The following ATP6V0D2 variants were observed in gnomAD, a reference collection of about 807,000 sequenced individuals.
ATP6V0D2 encodes the protein ATPase H+ transporting V0 subunit d2.
In ATP6V0D2, 40 loss-of-function variants were observed where a neutral mutation model predicts 40.0. The observed-to-expected ratio is 1.00, with a 90% CI of 0.78 to 1.30. The LOEUF (loss-of-function observed/expected upper bound fraction) is 1.30. Among genes scored for constraint, ATP6V0D2 ranks in the 50% most tolerant of loss-of-function variants. The probability of loss-of-function intolerance (pLI) is 0.00; values close to 1 mark genes in which losing one functional copy is unlikely to be tolerated. For missense variants in ATP6V0D2, 470 were observed against 423.1 expected, an observed-to-expected ratio of 1.11 and a Z score of -0.97; for synonymous variants, 179 against 156.3, an observed-to-expected ratio of 1.15 and a Z score of -1.08.
intron 2 of ATP6V0D2, among the ~76,000 whole-genome samples, chr8:86,124,399 A>T (rs1050112022): frequency 6.6e-6 from 1 of 152,198 alleles, no homozygotes; most frequent in African/African-American, 2.4e-5. Context: ...TTGAATATAG[A>T]CTTTGTTCAT....
At position 86,142,901 on chromosome 8, in the gene ATP6V0D2, T is replaced by C. The variant is rs771459098; in HGVS notation, c.586T>C (p.Phe196Leu). 1.5e-5 allele frequency: 24 copies of C among 1,609,298 alleles called. No individual in the cohort carries two copies. The highest frequency in any genetic ancestry group is 2.0e-5 in the Non-Finnish European group (23 of 1,176,952). Residue 196 changes from phenylalanine (F) to leucine (L), a missense_variant, in exon 5 of 8, where the codon TTC becomes CTC. Phe to Leu is a conservative substitution (Grantham distance 22). Coordinates refer to ENST00000285393, the MANE Select transcript of ATP6V0D2 (RefSeq NM_152565.1). ...GTCTTACCTTGAGGCATTCTATAAATTCTGTAAGAATCATGGTGATGTCAC... is the reference window on the plus strand; with the variant it reads ...GTCTTACCTTGAGGCATTCTATAAACTCTGTAAGAATCATGGTGATGTCAC... ...YKSYLEAFYK[F>L]CKNHGDVTAE... is the part of the protein sequence containing the mutation.
At position 86,150,343 on chromosome 8, in the gene ATP6V0D2, C is replaced by G. The variant is rs149299257; in HGVS notation, c.816+55C>G. The G allele has an allele frequency of 6.2e-4, 935 of 1,514,712 alleles. 9 individuals carry two copies. In the African/African-American group the frequency reaches 0.011, roughly 18 times the overall value. The allele number at this position is 1,514,712 out of a possible 1,614,324, so 93.8% of individuals were successfully genotyped here. ...CTTTGTGTTCATTCATTTCCATGTG[C>G]TTTAGAAGCTCACACATCAAATTTC... On this transcript the variant is annotated intron_variant, in intron 6 of 7. Coordinates refer to ENST00000285393, the MANE Select transcript of ATP6V0D2 (RefSeq NM_152565.1).
chr8:86,125,172 T>G (rs1818723190), intron 2 of ATP6V0D2, among the ~76,000 whole-genome samples: 1 of 152,120 alleles, frequency 6.6e-6, no homozygotes. Context: ...GTAATGGATG[T>G]GAAAGAGCTT....
chr8:86,126,084 T>C (rs1818737540), intron 2 of ATP6V0D2, among the ~76,000 whole-genome samples: 1 of 149,800 alleles, frequency 6.7e-6, no homozygotes. Flanking sequence ...ATTACAGGCA[T>C]GCACCATCAT....
intron 2 of ATP6V0D2, among the ~76,000 whole-genome samples, chr8:86,139,119 T>G (rs1010313634): frequency 2.6e-5 from 4 of 151,076 alleles, no homozygotes; most frequent in Non-Finnish European, 5.9e-5. Flanking sequence ...TCCCAGCTAC[T>G]CAGGAAGCTG....
intron 5 of ATP6V0D2, among the ~76,000 whole-genome samples, chr8:86,147,604 G>A (rs187947630): frequency 2.6e-5 from 4 of 152,166 alleles, no homozygotes; most frequent in African/African-American, 9.6e-5. Flanking sequence ...TTTCACCATA[G>A]GATAATACAC....
intron 5 of ATP6V0D2, among the ~76,000 whole-genome samples, chr8:86,146,539 T>C (rs13340600): frequency 0.24 from 36,860 of 151,746 alleles, 5,947 homozygotes; most frequent in African/African-American, 0.46. Flanking sequence ...CTACAAAAAA[T>C]ACAGAAATTA....
intron 2 of ATP6V0D2, among the ~76,000 whole-genome samples, chr8:86,136,738 G>A (rs915400197): frequency 4.6e-5 from 7 of 152,100 alleles, no homozygotes; most frequent in Non-Finnish European, 1.0e-4. Context: ...AACCAGAAAC[G>A]AATTCCCTGC....
intron 1 of ATP6V0D2, among the ~76,000 whole-genome samples, chr8:86,105,765 C>T (rs1818463227): frequency 6.6e-6 from 1 of 151,818 alleles, no homozygotes; most frequent in Non-Finnish European, 1.5e-5. Flanking sequence ...CAGGCACCCA[C>T]CACCACGCCC....
At chr8:86,133,002 T>C (rs1353670374) in intron 2 of ATP6V0D2, among the ~76,000 whole-genome samples, 2 of 152,166 alleles carry the variant, frequency 1.3e-5, no homozygotes, top group African/African-American at 4.8e-5. Context: ...TTATTGTTTG[T>C]CTTTTTAATA....
chr8:86,108,308 C>CT lies in ATP6V0D2; in HGVS notation c.131-5392dup, dbSNP rs1323724436. On this transcript the variant is annotated intron_variant, in intron 1 of 7. Transcript: ENST00000285393. The stretch of plus-strand genomic sequence containing the variant: ...GGCATGTGCCACCACACCCAGCTAA[C>CT]TTTTTTTTTCTTTTGTAGAGTTGGG... Among the ~76,000 whole-genome samples the CT allele has an allele frequency of 1.1e-4, 16 of 151,660 alleles. No homozygotes were observed. The South Asian group carries it at 2.1e-3, about 20-fold the overall frequency.
chr8:86,152,666 T>C (rs1336963022), intron 7 of ATP6V0D2, 150 bp from the exon 8 acceptor site: 1 of 582,798 alleles, frequency 1.7e-6, no homozygotes, highest in Admixed American at 3.9e-5. Context: ...TTCTGAGTTG[T>C]CACCATACTC....
At chr8:86,113,641 CTAA>C (rs1412342358) in intron 1 of ATP6V0D2, 65 bp from the exon 2 acceptor site, 32 of 1,363,872 alleles carry the variant, frequency 2.3e-5, no homozygotes, top group Non-Finnish European at 2.9e-5. Context: ...ATGAATTCAA[CTAA>C]TGTTGAAAAA....
intron 1 of ATP6V0D2, among the ~76,000 whole-genome samples, chr8:86,100,886 A>G (rs1320990867): frequency 6.6e-6 from 1 of 152,048 alleles, no homozygotes; most frequent in Non-Finnish European, 1.5e-5. Flanking sequence ...AACAAAAAAA[A>G]GAATTCAGAG....
At chr8:86,099,166 C>G (rs1487973618) in intron 1 of ATP6V0D2, 58 bp downstream of exon 1, 1 of 1,508,628 alleles carries the variant, frequency 6.6e-7, no homozygotes, top group Non-Finnish European at 8.9e-7. Context: ...AATGATGTCC[C>G]TCTCCAGAAG....
intron 2 of ATP6V0D2, among the ~76,000 whole-genome samples, chr8:86,118,105 A>T (rs1586090093): frequency 2.5e-5 from 1 of 39,830 alleles, no homozygotes; most frequent in Non-Finnish European, 4.6e-5. Context: ...TTTTTTTTTG[A>T]CGGAGTTTCA....
At chr8:86,134,024 A>G (rs1818863981) in intron 2 of ATP6V0D2, among the ~76,000 whole-genome samples, 1 of 152,216 alleles carries the variant, frequency 6.6e-6, no homozygotes, top group South Asian at 2.1e-4. Flanking sequence ...GACATGTCAT[A>G]ATCAAACTTC....
intron 1 of ATP6V0D2, 141 bp from the exon 2 acceptor site, chr8:86,113,568 C>T: frequency 1.5e-6 from 1 of 653,320 alleles, no homozygotes; most frequent in Non-Finnish European, 2.4e-6. Context: ...AAGTCTAAAT[C>T]ATATTTAGAC....
At chr8:86,103,747 G>T (rs568947336) in intron 1 of ATP6V0D2, among the ~76,000 whole-genome samples, 2 of 152,240 alleles carry the variant, frequency 1.3e-5, no homozygotes, top group South Asian at 4.2e-4. Flanking sequence ...TATACACTTT[G>T]TCCAGGAATT....
Sources: gnomAD v4.1 joint callset for allele counts (sites outside exome capture counted in the v4.1 genomes callset) on GRCh38, gnomAD v4.1.1 for gene constraint, MANE v1.5 for transcripts, NCBI Gene and HGNC (gene_info 2026-07-23, HGNC 2026-07-21) for gene names.